The following PTBP2 variants were observed in gnomAD, a reference collection of about 807,000 sequenced individuals.
PTBP2 encodes the protein polypyrimidine tract binding protein 2.
Under a neutral mutation model 61.4 loss-of-function variants are expected in PTBP2, and 13 were observed. The ratio of observed to expected loss-of-function variants is 0.21; its 90% CI spans 0.14 to 0.34. The LOEUF (loss-of-function observed/expected upper bound fraction) is 0.34, where lower values mean the gene tolerates loss of function less well. PTBP2 is among the 10% of genes least tolerant of loss of function. The probability of loss-of-function intolerance (pLI) is 1.00; values close to 1 mark genes in which losing one functional copy is unlikely to be tolerated. For synonymous variants in PTBP2, 215 were observed against 218.5 expected, an observed-to-expected ratio of 0.98 and a Z score of 0.14; for missense variants, 405 against 642.6, an observed-to-expected ratio of 0.63 and a Z score of 4.00.
In PTBP2 at chr1:96,813,488, G is replaced by T; in HGVS notation, c.*83G>T. On this transcript the variant is annotated 3_prime_UTR_variant, in exon 14 of 14. Transcript: ENST00000674951. ...ACTGTTCAGAAAAGTGGGGACCAGAGTTTGATTTTTTTTGTTTTTGTTTTT... is the reference window on the plus strand; with the variant it reads ...ACTGTTCAGAAAAGTGGGGACCAGATTTTGATTTTTTTTGTTTTTGTTTTT... The T allele has an allele frequency of 3.1e-6, 4 of 1,277,024 alleles. No homozygotes were observed. Among genetic ancestry groups the T allele is most frequent in the South Asian group, 2.3e-5 (1 of 43,952 alleles). The allele number at this position is 1,277,024 out of a possible 1,614,324, so 79.1% of individuals were successfully genotyped here.
At chr1:96,809,385 CAA>C (rs1314439244) in intron 11 of PTBP2, among the ~76,000 whole-genome samples, 2 of 152,164 alleles carry the variant, frequency 1.3e-5, no homozygotes, top group Non-Finnish European at 2.9e-5. Context: ...CAGCTAATTT[CAA>C]AGAGTATCAT....
chr1:96,806,502 C>A, intron 10 of PTBP2, 50 bp downstream of exon 10: 1 of 1,541,520 alleles, frequency 6.5e-7, no homozygotes, highest in Non-Finnish European at 9.0e-7. Flanking sequence ...ATTTTTGTTT[C>A]ACCTTAATTC....
intron 7 of PTBP2, among the ~76,000 whole-genome samples, chr1:96,779,490 A>G (rs10489798): frequency 0.095 from 14,432 of 152,144 alleles, 939 homozygotes; most frequent in Non-Finnish European, 0.14. Context: ...CTGAAGTAAT[A>G]CATAGTTACA....
At position 96,777,678 on chromosome 1, in the gene PTBP2, G is replaced by A; in HGVS notation, c.526G>A (p.Ala176Thr). The A allele has an allele frequency of 6.2e-7, 1 of 1,613,282 alleles. No individual in the cohort carries two copies. Among genetic ancestry groups the A allele is most frequent in the Non-Finnish European group, 8.5e-7 (1 of 1,179,462 alleles). The change falls in exon 6 of 14, where the codon GCC becomes ACC. Residue 176 changes from alanine to threonine, a missense_variant. Around this residue, in one of 4 missense-constraint regions of PTBP2, gnomAD observed 342 missense variants for 491.2 expected, o/e 0.70. Transcript: ENST00000674951. Reference sequence around the variant, plus strand: ...AGTTAGCGAGAGTGCAGTGACTCCAGCCCAGAGTCCAGTACTTAGAATAAT... The same window carrying A: ...AGTTAGCGAGAGTGCAGTGACTCCAACCCAGAGTCCAGTACTTAGAATAAT... The part of the protein sequence containing the change: ...TTVSESAVTP[A>T]QSPVLRIIID...
At chr1:96,732,061 T>C (rs1344085370) in intron 2 of PTBP2, among the ~76,000 whole-genome samples, 2 of 152,200 alleles carry the variant, frequency 1.3e-5, no homozygotes, top group African/African-American at 4.8e-5. Flanking sequence ...GACCTATAAC[T>C]GGACAACTAA....
chr1:96,751,905 T>C (rs1385047324), intron 3 of PTBP2, among the ~76,000 whole-genome samples: 1 of 152,088 alleles, frequency 6.6e-6, no homozygotes, highest in East Asian at 1.9e-4. Context: ...TTCAGCTACA[T>C]AGTTGTTTAA....
At chr1:96,819,579 T>G (rs1040584324), downstream of PTBP2, 1 of 152,130 alleles carries the variant, frequency 6.6e-6, no homozygotes, top group African/African-American at 2.4e-5. Flanking sequence ...ATTCTTTTTA[T>G]TTGTGGTTAT....
chr1:96,815,400 TTGGG>T (rs2101293432), downstream of PTBP2: 2 of 152,308 alleles, frequency 1.3e-5, no homozygotes, highest in African/African-American at 4.8e-5. Context: ...TGCTTTTGCC[TTGGG>T]TGGGAAGAAT....
chr1:96,751,383 A>G (rs1654517338), intron 2 of PTBP2, 42 bp from the exon 3 acceptor site: 1 of 1,428,270 alleles, frequency 7.0e-7, no homozygotes, highest in Non-Finnish European at 9.9e-7. Flanking sequence ...AATATTTTTA[A>G]ATTTAAAGAT....
chr1:96,757,299 A>G (rs772884551), intron 3 of PTBP2, among the ~76,000 whole-genome samples: 2 of 151,948 alleles, frequency 1.3e-5, no homozygotes, highest in Admixed American at 6.5e-5. Flanking sequence ...AAGCACAAGA[A>G]AGTTGATATG....
intron 8 of PTBP2, among the ~76,000 whole-genome samples, chr1:96,799,221 CT>C (rs1660708716): frequency 6.7e-6 from 1 of 149,300 alleles, no homozygotes; most frequent in African/African-American, 2.5e-5. Context: ...ACCTTCTTTT[CT>C]TTAGCACATG....
At chr1:96,812,667 T>G in intron 11 of PTBP2, 45 bp from the exon 12 acceptor site, 404 of 1,367,436 alleles carry the variant, frequency 3.0e-4, no homozygotes, top group Non-Finnish European at 3.7e-4. Flanking sequence ...ATGTTTGTTT[T>G]GAGCTTTGAT....
intron 3 of PTBP2, among the ~76,000 whole-genome samples, chr1:96,765,079 C>T (rs1044590902): frequency 6.6e-6 from 1 of 152,134 alleles, no homozygotes; most frequent in Non-Finnish European, 1.5e-5. Context: ...GTTTCTCATA[C>T]AGGAAAGAGT....
chr1:96,741,346 G>T (rs1290082697), intron 2 of PTBP2, among the ~76,000 whole-genome samples: 2 of 151,972 alleles, frequency 1.3e-5, no homozygotes, highest in African/African-American at 4.8e-5. Context: ...CTGCAGTCTT[G>T]ACATCCCAGG....
At chr1:96,725,913 A>T (rs1437921384) in intron 2 of PTBP2, among the ~76,000 whole-genome samples, 1 of 151,346 alleles carries the variant, frequency 6.6e-6, no homozygotes, top group African/African-American at 2.4e-5. Context: ...GTCTTTACTA[A>T]AAATACAAAA....
At chr1:96,822,525 A>G (rs1279124026) in exon 14 of PTBP2, 1 of 152,224 alleles carries the variant, frequency 6.6e-6, no homozygotes, top group Non-Finnish European at 1.5e-5. Flanking sequence ...AGGAGAAGGG[A>G]CAGGGTTGAC....
intron 3 of PTBP2, among the ~76,000 whole-genome samples, chr1:96,756,171 G>A (rs1655138359): frequency 6.6e-6 from 1 of 152,220 alleles, no homozygotes; most frequent in African/African-American, 2.4e-5. Flanking sequence ...AGCCAAGGCA[G>A]GCGGATCACC....
intron 3 of PTBP2, 68 bp downstream of exon 3, chr1:96,751,568 T>C (rs1008072657): frequency 1.5e-5 from 18 of 1,192,520 alleles, no homozygotes; most frequent in Non-Finnish European, 2.0e-5. Context: ...AACTCAAATT[T>C]AACCCTGTTA....
chr1:96,809,770 T>G (rs1305915596), intron 11 of PTBP2, among the ~76,000 whole-genome samples: 3 of 152,102 alleles, frequency 2.0e-5, no homozygotes, highest in Non-Finnish European at 2.9e-5. Context: ...TACTTAAAAT[T>G]AAGCGATAAA....
Sources: gnomAD v4.1 joint callset for allele counts (sites outside exome capture counted in the v4.1 genomes callset) on GRCh38, gnomAD v4.1.1 for gene constraint, gnomAD v4.1.1 regional missense constraint, MANE v1.5 for transcripts, NCBI Gene and HGNC (gene_info 2026-07-23, HGNC 2026-07-21) for gene names.